Variants in UNC13C observed in about 807,000 individuals in gnomAD.
UNC13C encodes protein unc-13 homolog C.
A neutral mutation model predicts 245.4 loss-of-function variants in UNC13C; 174 were observed. That is an observed-to-expected ratio of 0.71 (90% CI 0.63 to 0.80). UNC13C has a LOEUF of 0.80. Among genes scored for constraint, UNC13C ranks in the 30% least tolerant of loss-of-function variants. The pLI is 0.00. For synonymous variants in UNC13C, 992 were observed against 895.1 expected (o/e 1.11, Z -1.93); for missense variants, 2,829 against 2,602.9 (o/e 1.09, Z -1.89).
At chr15:53,841,944 T>C in the UNC13C span, among the ~76,000 whole-genome samples, 1 of 152,330 alleles carries the variant, frequency 6.6e-6, no homozygotes, top group Non-Finnish European at 1.5e-5. Context: ...AGGAAGAATT[T>C]CTGGGTCACT....
chr15:53,920,483 G>A, the UNC13C span, among the ~76,000 whole-genome samples: 1 of 152,120 alleles, frequency 6.6e-6, no homozygotes, highest in Non-Finnish European at 1.5e-5. Flanking sequence ...GGACCGGGAG[G>A]CAGAGACTGC....
At chr15:54,546,358 T>A (rs1896480867) in intron 26 of UNC13C, among the ~76,000 whole-genome samples, 1 of 152,074 alleles carries the variant, frequency 6.6e-6, no homozygotes, top group South Asian at 2.1e-4. Flanking sequence ...TTAGGAGAAA[T>A]ACCTAATGTA....
intron 18 of UNC13C, among the ~76,000 whole-genome samples, chr15:54,401,819 C>A (rs937906231): frequency 2.0e-5 from 3 of 152,054 alleles, no homozygotes; most frequent in Non-Finnish European, 4.4e-5. Context: ...AAGCCTGACT[C>A]CAGGGGCTGT....
chr15:54,153,621 T>C (rs559005766), intron 4 of UNC13C, among the ~76,000 whole-genome samples: 1 of 152,232 alleles, frequency 6.6e-6, no homozygotes, highest in East Asian at 1.9e-4. Context: ...GGATCTGTTC[T>C]ATTAAATATT....
chr15:54,494,197 C>T (rs1172088283), intron 19 of UNC13C, among the ~76,000 whole-genome samples: 2 of 152,040 alleles, frequency 1.3e-5, no homozygotes, highest in African/African-American at 2.4e-5. Context: ...CAAACCTGCA[C>T]GTTGTGCACA....
chr15:54,049,046 A>G (rs1318613197), intron 2 of UNC13C: 14 of 389,210 alleles, frequency 3.6e-5, no homozygotes, highest in Non-Finnish European at 6.1e-5. Flanking sequence ...CAGAAGTGAT[A>G]TAGATATCTC....
At chr15:54,140,978 T>C (rs17634494) in intron 2 of UNC13C, among the ~76,000 whole-genome samples, 55,450 of 152,052 alleles carry the variant, frequency 0.36, 11,333 homozygotes, top group Non-Finnish European at 0.47. Flanking sequence ...AGAACTGATG[T>C]ATTACCAGAT....
At chr15:53,946,456 T>C in the UNC13C span, among the ~76,000 whole-genome samples, 1 of 150,736 alleles carries the variant, frequency 6.6e-6, no homozygotes, top group Non-Finnish European at 1.5e-5. Flanking sequence ...TTTTTGTTTT[T>C]TTTTTTTTTT....
intron 2 of UNC13C, among the ~76,000 whole-genome samples, chr15:54,141,546 A>G (rs1292026878): frequency 6.6e-6 from 1 of 152,114 alleles, no homozygotes; most frequent in Non-Finnish European, 1.5e-5. Context: ...TTGAACAACT[A>G]GAAGGTTTTG....
intron 30 of UNC13C, among the ~76,000 whole-genome samples, chr15:54,619,115 G>A (rs191638198): frequency 3.7e-4 from 57 of 152,214 alleles, no homozygotes; most frequent in African/African-American, 1.3e-3. Context: ...TTAGGACTAC[G>A]ACAATCCACC....
At chr15:54,427,729 C>G (rs2040787841) in intron 19 of UNC13C, among the ~76,000 whole-genome samples, 1 of 151,706 alleles carries the variant, frequency 6.6e-6, no homozygotes, top group African/African-American at 2.4e-5. Flanking sequence ...TTATATTTTA[C>G]TATTGACAAC....
At chr15:54,568,931 C>T (rs190286880) in intron 30 of UNC13C, among the ~76,000 whole-genome samples, 10 of 152,220 alleles carry the variant, frequency 6.6e-5, no homozygotes, top group African/African-American at 2.2e-4. Flanking sequence ...TTAAAAACTA[C>T]AATTATCCCT....
At chr15:54,090,275 A>G (rs569276816) in intron 2 of UNC13C, among the ~76,000 whole-genome samples, 1 of 150,178 alleles carries the variant, frequency 6.7e-6, no homozygotes, top group South Asian at 2.1e-4. Context: ...AGTATCAGTT[A>G]TGACTCTGTT....
chr15:54,392,480 G>A (rs2039978912), intron 17 of UNC13C, among the ~76,000 whole-genome samples: 1 of 151,962 alleles, frequency 6.6e-6, no homozygotes. Context: ...TGCGTAAGAA[G>A]GGAGAATTTA....
chr15:54,560,275 G>A (rs969870822), intron 29 of UNC13C, among the ~76,000 whole-genome samples: 3 of 151,844 alleles, frequency 2.0e-5, no homozygotes, highest in Non-Finnish European at 2.9e-5. Flanking sequence ...GGAAACAATA[G>A]CATGTTCCCA....
At chr15:54,201,770 C>A (rs1011335629) in intron 4 of UNC13C, among the ~76,000 whole-genome samples, 1 of 151,940 alleles carries the variant, frequency 6.6e-6, no homozygotes, top group Non-Finnish European at 1.5e-5. Context: ...AGAATGCTCA[C>A]CCTCACTACT....
intron 2 of UNC13C, among the ~76,000 whole-genome samples, chr15:54,035,465 TAGTC>T (rs1896538844): frequency 6.6e-6 from 1 of 152,136 alleles, no homozygotes; most frequent in African/African-American, 2.4e-5. Context: ...TAAACACTGT[TAGTC>T]AGATGACAAA....
At chr15:54,483,848 A>C (rs1454810422) in intron 19 of UNC13C, among the ~76,000 whole-genome samples, 1 of 152,090 alleles carries the variant, frequency 6.6e-6, no homozygotes, top group Non-Finnish European at 1.5e-5. Context: ...TACAATGCAA[A>C]ATGCCACTGG....
chr15:54,623,980 T>C, intron 32 of UNC13C, 26 bp downstream of exon 32: 1 of 1,612,142 alleles, frequency 6.2e-7, no homozygotes, highest in Non-Finnish European at 8.5e-7. Context: ...ACCTTACTTA[T>C]TCTACCAGGC....
Sources: gnomAD v4.1 joint callset for allele counts (sites outside exome capture counted in the v4.1 genomes callset) on GRCh38, gnomAD v4.1.1 for gene constraint, MANE v1.5 for transcripts, NCBI Gene and HGNC (gene_info 2026-07-23, HGNC 2026-07-21) for gene names.